Variants in MCTP1 observed in about 807,000 individuals in gnomAD.
MCTP1 encodes multiple C2 and transmembrane domain containing 1, also known as multiple C2 and transmembrane domain-containing protein 1.
Under a neutral mutation model 120.6 loss-of-function variants are expected in MCTP1, and 69 were observed. The observed-to-expected ratio is 0.57, with a 90% confidence interval of 0.47 to 0.70. The LOEUF (loss-of-function observed/expected upper bound fraction) is 0.70, where lower values mean the gene tolerates loss of function less well. Ranked by LOEUF, MCTP1 falls within the 30% of genes least tolerant of loss-of-function variation. The pLI is 0.00. For synonymous variants in MCTP1, 529 were observed against 493.1 expected (o/e 1.07, Z -0.96); for missense variants, 1,203 against 1,248.8 (o/e 0.96, Z 0.55).
intron 2 of MCTP1, among the ~76,000 whole-genome samples, chr5:95,013,820 G>A (rs189847558): frequency 2.6e-5 from 4 of 152,208 alleles, no homozygotes; most frequent in East Asian, 1.9e-4. Context: ...GCAGCCCATC[G>A]ATCAAGGAGT....
chr5:95,017,614 TAC>T (rs1278076724), intron 1 of MCTP1, 130 bp from the exon 2 acceptor site: 5 of 446,930 alleles, frequency 1.1e-5, no homozygotes, highest in Non-Finnish European at 1.9e-5. Flanking sequence ...TCTGATTTCA[TAC>T]AGTCTCATAA....
At chr5:95,139,574 C>T (rs1759740186) in intron 1 of MCTP1, among the ~76,000 whole-genome samples, 1 of 152,158 alleles carries the variant, frequency 6.6e-6, no homozygotes, top group Non-Finnish European at 1.5e-5. Flanking sequence ...TCAAAATCAA[C>T]CTTATTTTAA....
chr5:95,004,566 A>G (rs1380509793), intron 2 of MCTP1, among the ~76,000 whole-genome samples: 2 of 152,224 alleles, frequency 1.3e-5, no homozygotes, highest in African/African-American at 4.8e-5. Context: ...GTGCCACCTC[A>G]GGACATGGCA....
chr5:95,095,554 A>G lies in MCTP1; in HGVS notation c.721-78070T>C, dbSNP rs1756196882. Among the ~76,000 whole-genome samples, 4 of 152,350 alleles carry G rather than the reference A, an allele frequency of 2.6e-5. No individual in the cohort carries two copies. The South Asian group carries it at 8.3e-4, about 32-fold the overall frequency. On this transcript the variant is annotated intron_variant, in intron 1 of 22. Coordinates refer to ENST00000515393, the MANE Select transcript of MCTP1 (RefSeq NM_024717.7). ...CAGAGCAGCAAGAACTCAGGGGATT[A>G]CAAAAATAACTGCATCCAAACCACG...
chr5:94,924,868 T>C (rs1293248165), intron 6 of MCTP1, among the ~76,000 whole-genome samples: 1 of 152,246 alleles, frequency 6.6e-6, no homozygotes, highest in Non-Finnish European at 1.5e-5. Flanking sequence ...GATTATTCTA[T>C]GATTTTGTGT....
chr5:95,235,172 A>G (rs1755399943), intron 1 of MCTP1, among the ~76,000 whole-genome samples: 1 of 151,994 alleles, frequency 6.6e-6, no homozygotes, highest in Admixed American at 6.5e-5. Flanking sequence ...AATTTCAAAA[A>G]TCAATGTAAT....
At chr5:94,840,508 A>ACTT (rs1790783422) in intron 17 of MCTP1, among the ~76,000 whole-genome samples, 1 of 152,120 alleles carries the variant, frequency 6.6e-6, no homozygotes, top group African/African-American at 2.4e-5. Flanking sequence ...CTTGATTGGG[A>ACTT]CTTTTACTCT....
intron 1 of MCTP1, among the ~76,000 whole-genome samples, chr5:95,102,185 C>T (rs1270743241): frequency 6.6e-6 from 1 of 152,132 alleles, no homozygotes; most frequent in Non-Finnish European, 1.5e-5. Context: ...AAGCAGAGGC[C>T]TCAAGAGGTT....
At chr5:95,015,020 A>T (rs946348285) in intron 2 of MCTP1, among the ~76,000 whole-genome samples, 2 of 152,174 alleles carry the variant, frequency 1.3e-5, no homozygotes, top group Non-Finnish European at 2.9e-5. Flanking sequence ...GATGATTGTT[A>T]GCATTTTTTT....
intron 17 of MCTP1, among the ~76,000 whole-genome samples, chr5:94,812,215 A>G (rs1296828460): frequency 2.0e-5 from 3 of 152,232 alleles, no homozygotes; most frequent in Admixed American, 6.5e-5. Context: ...ACACTCTCAC[A>G]TGATGATCCT....
chr5:95,198,612 T>C (rs949825418), intron 1 of MCTP1, among the ~76,000 whole-genome samples: 7 of 152,168 alleles, frequency 4.6e-5, no homozygotes, highest in Non-Finnish European at 7.3e-5. Flanking sequence ...CGGAATCCCA[T>C]TGTATAATAG....
At chr5:94,954,461 T>C (rs1227694303) in intron 2 of MCTP1, among the ~76,000 whole-genome samples, 1 of 151,986 alleles carries the variant, frequency 6.6e-6, no homozygotes, top group African/African-American at 2.4e-5. Context: ...GTACAATGTA[T>C]ACGACTTGGG....
chr5:94,972,422 T>A (rs1382904696), intron 2 of MCTP1, among the ~76,000 whole-genome samples: 15 of 152,116 alleles, frequency 9.9e-5, no homozygotes, highest in African/African-American at 3.6e-4. Context: ...GAATGCCTGG[T>A]CCTCCCTTCA....
intron 18 of MCTP1, among the ~76,000 whole-genome samples, chr5:94,794,615 C>CTT (rs1779643154): frequency 6.6e-6 from 1 of 152,200 alleles, no homozygotes; most frequent in Admixed American, 6.5e-5. Context: ...GAGTTGCTTA[C>CTT]TTATCCTCCT....
At chr5:94,897,091 C>G (rs961801368) in intron 10 of MCTP1, among the ~76,000 whole-genome samples, 10 of 152,060 alleles carry the variant, frequency 6.6e-5, no homozygotes, top group Non-Finnish European at 1.2e-4. Flanking sequence ...AGGTCTTACT[C>G]TGTTGCCTAG....
intron 1 of MCTP1, among the ~76,000 whole-genome samples, chr5:95,228,289 C>A (rs936995731): frequency 2.0e-5 from 3 of 152,164 alleles, no homozygotes; most frequent in African/African-American, 7.2e-5. Flanking sequence ...GCATTTGTAA[C>A]AAGCTAAATT....
intron 20 of MCTP1, among the ~76,000 whole-genome samples, chr5:94,712,164 AC>A (rs1245515766): frequency 1.3e-5 from 2 of 152,066 alleles, no homozygotes; most frequent in Non-Finnish European, 2.9e-5. Flanking sequence ...AACCTCTCTA[AC>A]CTTTTCCCCA....
intron 1 of MCTP1, among the ~76,000 whole-genome samples, chr5:95,276,769 G>T (rs537576464): frequency 6.6e-6 from 1 of 151,612 alleles, no homozygotes; most frequent in East Asian, 2.0e-4. Flanking sequence ...TGGCTAACAT[G>T]GTGAAACCCC....
At chr5:95,108,562 G>C (rs1456431842) in intron 1 of MCTP1, among the ~76,000 whole-genome samples, 1 of 152,180 alleles carries the variant, frequency 6.6e-6, no homozygotes, top group Non-Finnish European at 1.5e-5. Context: ...AAAGTCTTTA[G>C]ACCAATAAGG....
Sources: gnomAD v4.1 joint callset for allele counts (sites outside exome capture counted in the v4.1 genomes callset) on GRCh38, gnomAD v4.1.1 for gene constraint, MANE v1.5 for transcripts, NCBI Gene and HGNC (gene_info 2026-07-23, HGNC 2026-07-21) for gene names.